Variants in GMPR observed in about 807,000 individuals in gnomAD.
GMPR encodes the protein guanosine monophosphate reductase.
A neutral mutation model predicts 38.4 loss-of-function variants in GMPR; 31 were observed. That is an observed-to-expected ratio of 0.81 (90% CI 0.61 to 1.09). The LOEUF is 1.09. GMPR is among the 50% of genes least tolerant of loss of function. The pLI is 0.00. For synonymous variants in GMPR, 162 were observed against 173.3 expected (o/e 0.93, Z 0.51); for missense variants, 468 against 453.7 (o/e 1.03, Z -0.29).
intron 7 of GMPR, among the ~76,000 whole-genome samples, chr6:16,286,095 G>A (rs1445382885): frequency 6.6e-6 from 1 of 152,114 alleles, no homozygotes; most frequent in Non-Finnish European, 1.5e-5. Context: ...TTCATCCCAG[G>A]GAAGAGAAAG....
intron 5 of GMPR, 53 bp from the exon 6 acceptor site, chr6:16,278,731 C>A: frequency 8.2e-7 from 1 of 1,220,878 alleles, no homozygotes; most frequent in Non-Finnish European, 1.2e-6. Flanking sequence ...TTTCATGTCA[C>A]AGTCTTCTCA....
chr6:16,261,007 T>C (rs1759072971), intron 4 of GMPR, among the ~76,000 whole-genome samples: 1 of 151,878 alleles, frequency 6.6e-6, no homozygotes, highest in African/African-American at 2.4e-5. Context: ...TTATGAGAAA[T>C]GTAGAGAGTA....
chr6:16,275,981 G>C (rs867031762), intron 5 of GMPR, among the ~76,000 whole-genome samples: 1 of 151,924 alleles, frequency 6.6e-6, no homozygotes, highest in Non-Finnish European at 1.5e-5. Context: ...AGGGTGGAAC[G>C]ATCAGCTGAT....
chr6:16,285,152 A>C (rs1216729901), intron 6 of GMPR, among the ~76,000 whole-genome samples: 1 of 151,876 alleles, frequency 6.6e-6, no homozygotes, highest in Non-Finnish European at 1.5e-5. Flanking sequence ...TGGGCAGCCC[A>C]AGATAACAGA....
intron 5 of GMPR, among the ~76,000 whole-genome samples, chr6:16,277,583 T>A (rs1241427516): frequency 6.6e-6 from 1 of 152,236 alleles, no homozygotes; most frequent in East Asian, 1.9e-4. Flanking sequence ...TCAGTGACTA[T>A]TTATAGTGCC....
At chr6:16,257,017 G>A (rs895715193) in intron 4 of GMPR, among the ~76,000 whole-genome samples, 2 of 152,204 alleles carry the variant, frequency 1.3e-5, no homozygotes, top group African/African-American at 4.8e-5. Flanking sequence ...GTCCTAACAA[G>A]GCGACTCTTA....
chr6:16,243,486 C>G (rs6910365), intron 1 of GMPR, among the ~76,000 whole-genome samples: 11,221 of 152,218 alleles, frequency 0.074, 750 homozygotes, highest in African/African-American at 0.17. Flanking sequence ...GGGGCCAGAA[C>G]ACAGTATTCT....
rs572516076 is a variant in GMPR, at chr6:16,278,319, G to A, written c.548-465G>A. ...TGTTTCTCTTTGGATTTTACAGGCC[G>A]GGCAGTGAGGCTTAAGAGAGGTGAG... On this transcript the variant is annotated intron_variant, in intron 5 of 8. Transcript: ENST00000259727. Among the ~76,000 whole-genome samples the A allele has an allele frequency of 9.8e-5, 15 of 152,298 alleles. No homozygotes were observed. In the East Asian group the frequency reaches 2.1e-3, roughly 22 times the overall value.
At position 16,285,809 on chromosome 6, in the gene GMPR, G is replaced by C. The variant is rs779462539; in HGVS notation, c.671G>C (p.Cys224Ser). The C allele has an allele frequency of 1.2e-6, 2 of 1,613,184 alleles. No individual in the cohort carries two copies. The highest frequency in any genetic ancestry group is 1.7e-6 in the Non-Finnish European group (2 of 1,179,660). ...TCTGTGAAGGATGGAGGCTGTACGT[G>C]TCCAGGGGATGTCGCCAAAGCCTTT... is the stretch of plus-strand genomic sequence containing the variant. Reference protein sequence around the residue: ...GHIISDGGCTCPGDVAKAFGA... With the variant: ...GHIISDGGCTSPGDVAKAFGA... The change falls in exon 7 of 9, where the codon TGT (cysteine) becomes TCT (serine). Residue 224 changes from cysteine (C) to serine (S), a missense_variant. Coordinates refer to ENST00000259727, the MANE Select transcript of GMPR (RefSeq NM_006877.4).
chr6:16,269,049 A>G (rs1294201356), intron 4 of GMPR, among the ~76,000 whole-genome samples: 1 of 152,060 alleles, frequency 6.6e-6, no homozygotes, highest in African/African-American at 2.4e-5. Context: ...TAAAATTTAC[A>G]CCTAGTAAAT....
intron 1 of GMPR, among the ~76,000 whole-genome samples, chr6:16,242,853 G>T (rs1041497031): frequency 1.3e-5 from 2 of 152,152 alleles, no homozygotes; most frequent in African/African-American, 2.4e-5. Context: ...GGTCAGGCTG[G>T]TCTTGAACTC....
chr6:16,278,966 T>TG lies in GMPR; in HGVS notation c.654+79dup, dbSNP rs1759528479. On this transcript the variant is annotated intron_variant, in intron 6 of 8. Coordinates refer to ENST00000259727, the MANE Select transcript of GMPR (RefSeq NM_006877.4). ...CCCTCGCTGCTCTTCTTTCACTGGC[T>TG]GGGCATCCTGTGGGCATGGGAGGGA... 7 of 875,490 alleles carry TG rather than the reference T, an allele frequency of 8.0e-6. No homozygotes were observed. The Admixed American group carries it at 8.1e-5, about 10-fold the overall frequency. The allele number at this position is 875,490 out of a possible 1,614,324, so 54.2% of individuals were successfully genotyped here. A position where few individuals can be genotyped will look rare whatever the true frequency, so the allele number is the denominator to read the frequency against.
chr6:16,254,797 T>G (rs1007514157), intron 4 of GMPR, 62 bp downstream of exon 4: 3 of 1,209,848 alleles, frequency 2.5e-6, no homozygotes, highest in Non-Finnish European at 3.7e-6. Flanking sequence ...GAGGGAGTTG[T>G]TCAATGTGTC....
Position 16,290,545 on chromosome 6 carries a change from C to G in GMPR, c.781C>G (p.Arg261Gly), listed in dbSNP as rs374348859. 1.2e-6 allele frequency: 2 copies of G among 1,613,932 alleles called. No homozygotes were observed. Among genetic ancestry groups the G allele is most frequent in the Non-Finnish European group, 1.7e-6 (2 of 1,179,820 alleles). ...TGGAGAAGTGTTTGAGAGGAACGGA[C>G]GGAAGCTCAAGCTCTTCTACGGGAT... ...CAGEVFERNG[R>G]KLKLFYGMSS... The change falls in exon 8 of 9, where the codon CGG becomes GGG. Residue 261 changes from arginine to glycine, a missense_variant. By Grantham distance (125) the Arg-to-Gly change is moderately radical. Transcript: ENST00000259727.
intron 5 of GMPR, among the ~76,000 whole-genome samples, chr6:16,275,215 A>C (rs1759452913): frequency 6.6e-6 from 1 of 152,192 alleles, no homozygotes; most frequent in Non-Finnish European, 1.5e-5. Flanking sequence ...AGACACTAAA[A>C]TTGAGGAGCA....
In GMPR at chr6:16,274,461, C is replaced by G; in HGVS notation, c.512C>G (p.Ser171Cys). ...TGEMVEELIL[S>C]GADIIKVGVG... The stretch of plus-strand genomic sequence containing the variant: ...GAAATGGTAGAAGAGCTTATTCTTT[C>G]CGGAGCAGATATCATCAAAGTGGGA... Residue 171 changes from serine (S) to cysteine (C), a missense_variant, in exon 5 of 9, where the codon TCC becomes TGC. By Grantham distance (112) the Ser-to-Cys change is moderately radical. Transcript: ENST00000259727. 2.5e-6 allele frequency: 4 copies of G among 1,610,036 alleles called. No homozygotes were observed. Among genetic ancestry groups the G allele is most frequent in the Non-Finnish European group, 3.4e-6 (4 of 1,176,258 alleles).
At chr6:16,282,066 T>C (rs1161509161) in intron 6 of GMPR, among the ~76,000 whole-genome samples, 2 of 152,226 alleles carry the variant, frequency 1.3e-5, no homozygotes, top group African/African-American at 4.8e-5. Flanking sequence ...TTTTGGATCC[T>C]GCCACTTGGT....
At chr6:16,258,026 G>C (rs1759012487) in intron 4 of GMPR, 1 of 152,218 alleles carries the variant, frequency 6.6e-6, no homozygotes, top group Admixed American at 6.5e-5. Context: ...CCTGTGAAAA[G>C]GAGGTTGAGG....
chr6:16,291,891 A>G (rs1759845823), intron 8 of GMPR, among the ~76,000 whole-genome samples: 1 of 151,362 alleles, frequency 6.6e-6, no homozygotes, highest in South Asian at 2.1e-4. Context: ...AGCCTGGGCA[A>G]CAGAGTGATA....
Sources: allele counts gnomAD v4.1 joint callset (sites outside exome capture counted in the v4.1 genomes callset), GRCh38; gene constraint gnomAD v4.1.1; transcripts MANE v1.5; gene names NCBI Gene and HGNC (gene_info 2026-07-23, HGNC 2026-07-21).